The following ASAH2 variants were observed in gnomAD, a reference collection of about 807,000 sequenced individuals.
ASAH2 encodes N-acylsphingosine amidohydrolase 2, also known as neutral ceramidase.
ASAH2 carries 58 observed loss-of-function variants against 82.9 expected under a neutral mutation model. That is an observed-to-expected ratio of 0.70 (90% CI 0.57 to 0.87). The LOEUF is 0.87. Ranked by LOEUF, ASAH2 falls within the 40% of genes least tolerant of loss-of-function variation. ASAH2 has a pLI of 0.00. For synonymous variants in ASAH2, 276 were observed against 289.7 expected (o/e 0.95, Z 0.48); for missense variants, 779 against 834.0 (o/e 0.93, Z 0.81).
In ASAH2 at chr10:50,248,628, A is replaced by C; in HGVS notation, c.-18T>G. ...TTGGCCATTTCTTCTCAGGTACAGC[A>C]GAGATGGAAGAAGAAATACTGAAGA... is the stretch of plus-strand genomic sequence containing the variant. On this transcript the variant is annotated 5_prime_UTR_variant, in exon 2 of 21. Coordinates refer to ENST00000682911, the MANE Select transcript of ASAH2 (RefSeq NM_019893.4). 1 of 1,607,570 alleles carries C rather than the reference A, an allele frequency of 6.2e-7. No individual in the cohort carries two copies. Among genetic ancestry groups the C allele is most frequent in the Non-Finnish European group, 8.5e-7 (1 of 1,177,338 alleles).
intron 12 of ASAH2, among the ~76,000 whole-genome samples, chr10:50,207,937 C>T (rs1845346921): frequency 6.6e-6 from 1 of 151,752 alleles, no homozygotes; most frequent in Non-Finnish European, 1.5e-5. Flanking sequence ...CTGAATACAG[C>T]AACACAGAGA....
At chr10:50,245,621 A>T (rs898370448) in intron 2 of ASAH2, among the ~76,000 whole-genome samples, 167 bp from the exon 3 acceptor site, 13 of 152,204 alleles carry the variant, frequency 8.5e-5, no homozygotes, top group Non-Finnish European at 1.5e-4. Context: ...TTTAAAAATC[A>T]TAATCCTAAA....
intron 6 of ASAH2, among the ~76,000 whole-genome samples, chr10:50,233,505 A>G (rs1846066939): frequency 6.6e-6 from 1 of 152,156 alleles, no homozygotes; most frequent in Non-Finnish European, 1.5e-5. Context: ...ATATTTTTAT[A>G]TAACATACAA....
chr10:50,229,670 C>T (rs1845978005), intron 7 of ASAH2, among the ~76,000 whole-genome samples: 1 of 152,162 alleles, frequency 6.6e-6, no homozygotes, highest in Non-Finnish European at 1.5e-5. Flanking sequence ...GCCCTGTTGA[C>T]CTCTGCACTC....
At chr10:50,212,151 A>C (rs1473840195) in intron 10 of ASAH2, among the ~76,000 whole-genome samples, 8 of 151,654 alleles carry the variant, frequency 5.3e-5, no homozygotes, top group African/African-American at 1.9e-4. Flanking sequence ...TGCTCTTGAA[A>C]GATTTTAGAA....
chr10:50,249,536 T>C (rs1240173012), intron 1 of ASAH2, among the ~76,000 whole-genome samples: 1 of 152,204 alleles, frequency 6.6e-6, no homozygotes, highest in Non-Finnish European at 1.5e-5. Context: ...ACTGGATGAC[T>C]TTGGGAAATC....
intron 14 of ASAH2, among the ~76,000 whole-genome samples, chr10:50,204,385 G>A (rs1320684686): frequency 2.0e-5 from 3 of 151,910 alleles, no homozygotes; most frequent in Non-Finnish European, 2.9e-5. Flanking sequence ...AAAATTTGCT[G>A]AAGAATTTAA....
chr10:50,225,821 T>C (rs1845867772), intron 7 of ASAH2, among the ~76,000 whole-genome samples: 1 of 152,198 alleles, frequency 6.6e-6, no homozygotes, highest in Non-Finnish European at 1.5e-5. Flanking sequence ...CCGGATGTGG[T>C]GGCTCACAAT....
At chr10:50,243,104 T>C in intron 4 of ASAH2, 98 bp downstream of exon 4, 1 of 1,406,124 alleles carries the variant, frequency 7.1e-7, no homozygotes, top group Non-Finnish European at 9.9e-7. Flanking sequence ...AGAATTTCAC[T>C]GAATGAGAAA....
chr10:50,227,892 G>T (rs929933900), intron 7 of ASAH2, among the ~76,000 whole-genome samples: 59 of 152,292 alleles, frequency 3.9e-4, no homozygotes, highest in African/African-American at 1.3e-3. Context: ...CAGGATGAAA[G>T]CTCACTTCAC....
At position 50,245,256 on chromosome 10, in the gene ASAH2, G is replaced by C. The variant is rs776434478; in HGVS notation, c.326C>G (p.Ala109Gly). ...ATCTGCTACTTGTCCTGTGCAGTCA[G>C]CTCGTCCAACACCAATATGGTAGCC... Reference protein sequence around the residue: ...FSGYHIGVGRADCTGQVADIN... With the variant: ...FSGYHIGVGRGDCTGQVADIN... The change falls in exon 3 of 21, where the codon GCT (alanine) becomes GGT (glycine). Residue 109 changes from alanine to glycine, a missense_variant. Physicochemically the swap from Ala to Gly is moderately conservative, Grantham distance 60. Transcript: ENST00000682911. 5 of 1,613,956 alleles carry C rather than the reference G, an allele frequency of 3.1e-6. No individual in the cohort carries two copies. In the African/African-American group the frequency reaches 6.7e-5, roughly 22 times the overall value.
Position 50,187,024 on chromosome 10 carries a change from C to T in ASAH2, c.*291G>A, listed in dbSNP as rs1311003229. ...ACAACCCCAAGACTTCAAGGGAAAT[C>T]ATGCTTTAGGCTGTAGACCACAAGA... On this transcript the variant is annotated 3_prime_UTR_variant, in exon 21 of 21. Transcript: ENST00000682911. The T allele has an allele frequency of 2.7e-6, 1 of 372,514 alleles. No homozygotes were observed. The highest frequency in any genetic ancestry group is 4.4e-5 in the Admixed American group (1 of 22,796). 23.1% of individuals were successfully genotyped at this position (372,514 alleles called of 1,614,324 possible). A position where few individuals can be genotyped will look rare whatever the true frequency, so the allele number is the denominator to read the frequency against.
intron 4 of ASAH2, among the ~76,000 whole-genome samples, chr10:50,237,876 AG>A (rs1243443731): frequency 7.2e-5 from 11 of 152,188 alleles, no homozygotes. Flanking sequence ...TGTAACTATT[AG>A]GCATTGCATG....
chr10:50,193,157 CT>C (rs1460385203), intron 18 of ASAH2, among the ~76,000 whole-genome samples: 8 of 142,658 alleles, frequency 5.6e-5, no homozygotes, highest in South Asian at 2.4e-4. Flanking sequence ...ATCCTCCCCC[CT>C]GAAACGACTA....
intron 12 of ASAH2, among the ~76,000 whole-genome samples, chr10:50,208,503 C>T (rs1035948826): frequency 1.3e-5 from 2 of 151,896 alleles, no homozygotes; most frequent in African/African-American, 4.8e-5. Context: ...TATTTCTATA[C>T]ATTTTCTATG....
intron 8 of ASAH2, 75 bp from the exon 9 acceptor site, chr10:50,214,943 T>C (rs900244256): frequency 3.2e-6 from 5 of 1,565,246 alleles, no homozygotes; most frequent in African/African-American, 2.7e-5. Flanking sequence ...AATACAAACA[T>C]TAAATCCACT....
chr10:50,214,847 C>A lies in ASAH2; in HGVS notation c.1036G>T (p.Ala346Ser), dbSNP rs1052952953. 0.022 allele frequency: 36,222 copies of A among 1,613,678 alleles called. 538 individuals carry two copies. Among genetic ancestry groups the A allele is most frequent in the Non-Finnish European group, 0.028 (33,293 of 1,179,642 alleles). The change falls in exon 9 of 21, where the codon GCT becomes TCT. Residue 346 changes from alanine (A) to serine (S), a missense_variant. Ala to Ser is a moderately conservative substitution (Grantham distance 99). This residue lies in a region of ASAH2 where 759 missense variants were observed against 755.2 expected (regional missense o/e 1.00). Transcript: ENST00000682911. Reference sequence around the variant, plus strand: ...GACACATCTCCTAGGTTTGATGAAGCAAAGGCTGCTACAAATGGCCCCTGC... The same window carrying A: ...GACACATCTCCTAGGTTTGATGAAGAAAAGGCTGCTACAAATGGCCCCTGC... ...PGQGPFVAAF[A>S]SSNLGDVSPN... is the part of the protein sequence containing the mutation.
chr10:50,222,333 C>A (rs1463324759), intron 7 of ASAH2, among the ~76,000 whole-genome samples: 5 of 152,206 alleles, frequency 3.3e-5, no homozygotes, highest in Non-Finnish European at 5.9e-5. Flanking sequence ...GGCTGGAGTG[C>A]AGTGGTGCAA....
chr10:50,245,228 G>A lies in ASAH2; in HGVS notation c.354C>T (p.Ile118=), dbSNP rs530120794. Residue 118 remains isoleucine (I), a synonymous_variant, in exon 3 of 21, where the codon ATC becomes ATT. Transcript: ENST00000682911. ...GAGCCCATTGTCTACTTGCCAAATT[G>A]ATATCTGCTACTTGTCCTGTGCAGT... is the stretch of plus-strand genomic sequence containing the variant. ...RADCTGQVAD[I]NLMGYGKSGQ... The A allele has an allele frequency of 6.2e-7, 1 of 1,613,000 alleles. No homozygotes were observed. The highest frequency in any genetic ancestry group is 1.1e-5 in the South Asian group (1 of 91,014).
Sources: gnomAD v4.1 joint callset for allele counts (sites outside exome capture counted in the v4.1 genomes callset) on GRCh38, gnomAD v4.1.1 for gene constraint, gnomAD v4.1.1 regional missense constraint, MANE v1.5 for transcripts, NCBI Gene and HGNC (gene_info 2026-07-23, HGNC 2026-07-21) for gene names.